Variants in RNF214 observed in about 807,000 individuals in gnomAD.
RNF214 encodes ring finger protein 214.
RNF214 carries 25 observed loss-of-function variants against 75.9 expected under a neutral mutation model. The ratio of observed to expected loss-of-function variants is 0.33; its 90% CI spans 0.24 to 0.46. The LOEUF (loss-of-function observed/expected upper bound fraction) is 0.46, where lower values mean the gene tolerates loss of function less well. Among genes scored for constraint, RNF214 ranks in the 20% least tolerant of loss-of-function variants. The pLI, the probability that RNF214 is intolerant of heterozygous loss-of-function variation, is 1.00. For synonymous variants in RNF214, 314 were observed against 308.8 expected (o/e 1.02, Z -0.18); for missense variants, 725 against 857.5 (o/e 0.85, Z 1.93).
rs370756405 is a variant in RNF214 at position 117,246,350 on chromosome 11, T to C, written c.820-459T>C. Reference sequence around the variant, plus strand: ...GTATATGTGTGTGTGTATATATGTATGTATTTGTTGTTGTTAAAGAGTAAA... The same window carrying C: ...GTATATGTGTGTGTGTATATATGTACGTATTTGTTGTTGTTAAAGAGTAAA... On this transcript the variant is annotated intron_variant, in intron 5 of 14. Transcript: ENST00000300650. Among the ~76,000 whole-genome samples, 14 of 151,822 alleles carry C rather than the reference T, an allele frequency of 9.2e-5. No individual in the cohort carries two copies. The East Asian group carries it at 2.7e-3, about 29-fold the overall frequency.
intron 1 of RNF214, among the ~76,000 whole-genome samples, chr11:117,233,505 T>C (rs1252866042): frequency 6.6e-6 from 1 of 152,224 alleles, no homozygotes; most frequent in Non-Finnish European, 1.5e-5. Flanking sequence ...CCCAAGTATT[T>C]TGATTTTCTT....
intron 6 of RNF214, among the ~76,000 whole-genome samples, chr11:117,258,367 C>T (rs77073823): frequency 0.077 from 11,652 of 152,006 alleles, 533 homozygotes; most frequent in East Asian, 0.14. Context: ...ACGCCCAGCC[C>T]CGTCTTTTCT....
chr11:117,252,240 G>C (rs558584742), intron 6 of RNF214, among the ~76,000 whole-genome samples: 2 of 152,312 alleles, frequency 1.3e-5, no homozygotes, highest in African/African-American at 2.4e-5. Flanking sequence ...TGACCAGTTA[G>C]GAGACTTATC....
At chr11:117,233,091 T>G (rs752821209) in intron 1 of RNF214, among the ~76,000 whole-genome samples, 25 of 151,966 alleles carry the variant, frequency 1.6e-4, no homozygotes, top group Non-Finnish European at 2.8e-4. Flanking sequence ...CCTGCTTCGC[T>G]GGTGGTCGCC....
intron 1 of RNF214, among the ~76,000 whole-genome samples, chr11:117,233,553 A>G (rs951615584): frequency 6.6e-6 from 1 of 152,150 alleles, no homozygotes; most frequent in Non-Finnish European, 1.5e-5. Context: ...CTGCGGCATA[A>G]AAGATGACCT....
chr11:117,248,244 A>ATTTTTTTTTTTT (rs2033281768), intron 6 of RNF214, among the ~76,000 whole-genome samples: 1 of 151,766 alleles, frequency 6.6e-6, no homozygotes, highest in African/African-American at 2.4e-5. Flanking sequence ...CCTGGCTAAC[A>ATTTTTTTTTTTT]TTTTTGTATT....
At chr11:117,250,621 AT>A (rs71037476) in intron 6 of RNF214, among the ~76,000 whole-genome samples, 33 of 143,230 alleles carry the variant, frequency 2.3e-4, no homozygotes, top group East Asian at 6.1e-4. Context: ...TTTTTTTTTA[AT>A]TTTTTTTTTT....
At position 117,238,616 on chromosome 11, in the gene RNF214, A is replaced by G; in HGVS notation, c.123A>G (p.Ala41=). 1.2e-6 allele frequency: 2 copies of G among 1,613,198 alleles called. No homozygotes were observed. Among genetic ancestry groups the G allele is most frequent in the Non-Finnish European group, 1.7e-6 (2 of 1,179,392 alleles). ...TGTTTGATAGCACCAAAGACTCTGC[A>G]CAGAAGCAGAAGAACTCGCCTCTGT... ...LPDGLSTKDS[A]QKQKNSPLLS... is the part of the protein sequence containing the mutation. Residue 41 remains alanine (A), a synonymous_variant, in exon 3 of 15, where the codon GCA becomes GCG. Transcript: ENST00000300650.
At chr11:117,240,451 G>A (rs1439481967) in intron 4 of RNF214, among the ~76,000 whole-genome samples, 2 of 151,696 alleles carry the variant, frequency 1.3e-5, no homozygotes, top group African/African-American at 4.8e-5. Context: ...ACTTTGGGAG[G>A]CCAAGGCAGG....
intron 6 of RNF214, among the ~76,000 whole-genome samples, chr11:117,265,978 T>C (rs900853273): frequency 1.3e-5 from 2 of 152,224 alleles, no homozygotes; most frequent in African/African-American, 4.8e-5. Flanking sequence ...TCTAAAGATT[T>C]GTATCTGGCT....
chr11:117,259,820 T>A (rs1315743694), intron 6 of RNF214, among the ~76,000 whole-genome samples: 1 of 152,174 alleles, frequency 6.6e-6, no homozygotes, highest in Non-Finnish European at 1.5e-5. Context: ...ATTTTGAATA[T>A]AAGTCCTTTG....
chr11:117,257,883 T>C (rs2033560594), intron 6 of RNF214, among the ~76,000 whole-genome samples: 1 of 152,156 alleles, frequency 6.6e-6, no homozygotes, highest in Non-Finnish European at 1.5e-5. Flanking sequence ...ACTGGGATTT[T>C]TAGGCAAAGG....
At chr11:117,258,928 T>A (rs764930260) in intron 6 of RNF214, among the ~76,000 whole-genome samples, 5 of 152,198 alleles carry the variant, frequency 3.3e-5, no homozygotes, top group African/African-American at 4.8e-5. Flanking sequence ...ATTCATGTTG[T>A]CCGTTTTTAC....
At chr11:117,244,936 TTTTTA>T (rs1436102791) in intron 5 of RNF214, among the ~76,000 whole-genome samples, 1 of 151,540 alleles carries the variant, frequency 6.6e-6, no homozygotes, top group Admixed American at 6.6e-5. Context: ...AAAGGAGGCC[TTTTTA>T]TTTCAGTTAA....
At chr11:117,240,459 AG>A (rs1210084838) in intron 4 of RNF214, among the ~76,000 whole-genome samples, 1 of 151,212 alleles carries the variant, frequency 6.6e-6, no homozygotes, top group Non-Finnish European at 1.5e-5. Flanking sequence ...AGGCCAAGGC[AG>A]GTGGATCACC....
At chr11:117,279,123 A>ACC (rs2034075101) in intron 6 of RNF214, among the ~76,000 whole-genome samples, 1 of 151,920 alleles carries the variant, frequency 6.6e-6, no homozygotes, top group Non-Finnish European at 1.5e-5. Flanking sequence ...AAAAAAGTGG[A>ACC]CCCCTGTGTT....
chr11:117,268,036 C>T (rs1219450229), intron 6 of RNF214, among the ~76,000 whole-genome samples: 1 of 152,172 alleles, frequency 6.6e-6, no homozygotes, highest in Non-Finnish European at 1.5e-5. Flanking sequence ...ATGTAGGTAG[C>T]CAAGCCAAGG....
rs542552815 is a variant in RNF214, at chr11:117,238,867, G to A, written c.374G>A (p.Arg125Gln). Residue 125 changes from arginine (R) to glutamine (Q), a missense_variant, in exon 3 of 15, where the codon CGG (arginine) becomes CAG (glutamine). Physicochemically the swap from Arg to Gln is conservative, Grantham distance 43. Around this residue, in one of 2 missense-constraint regions of RNF214, gnomAD observed 362 missense variants for 344.5 expected, o/e 1.05. Coordinates refer to ENST00000300650, the MANE Select transcript of RNF214 (RefSeq NM_207343.4). ...GGAGAGGAGGGGGACACAAGCCTTC[G>A]GGAGAGCCTCCATCCAGTCACTCGG... is the stretch of plus-strand genomic sequence containing the variant. ...TAGEEGDTSL[R>Q]ESLHPVTRSL... The A allele has an allele frequency of 1.7e-5, 27 of 1,614,048 alleles. No individual in the cohort carries two copies. Among genetic ancestry groups the A allele is most frequent in the East Asian group, 4.5e-5 (2 of 44,892 alleles).
chr11:117,281,664 T>G lies in RNF214; in HGVS notation c.1301T>G (p.Ile434Ser). 6.2e-7 allele frequency: 1 copy of G among 1,613,614 alleles called. No individual in the cohort carries two copies. The highest frequency in any genetic ancestry group is 8.5e-7 in the Non-Finnish European group (1 of 1,179,714). Residue 434 changes from isoleucine to serine, a missense_variant, in exon 10 of 15, where the codon ATC (isoleucine) becomes AGC (serine). Ile to Ser is a moderately radical substitution (Grantham distance 142, BLOSUM62 -2). Transcript: ENST00000300650. The part of the protein sequence containing the change: ...NGAKLSSLPQ[I>S]PTPTLPPPPS... ...GCCAAGCTGAGCAGCCTTCCTCAAA[T>G]CCCTACTCCCACTTTACCTCCACCC...
Sources: allele counts gnomAD v4.1 joint callset (sites outside exome capture counted in the v4.1 genomes callset), GRCh38; gene constraint gnomAD v4.1.1; regional missense constraint gnomAD v4.1.1; transcripts MANE v1.5; gene names NCBI Gene and HGNC (gene_info 2026-07-23, HGNC 2026-07-21).